Variants in ATP2C2 observed in about 807,000 individuals in gnomAD.
ATP2C2 encodes the protein ATPase secretory pathway Ca2+ transporting 2.
In ATP2C2, 171 loss-of-function variants were observed where a neutral mutation model predicts 110.8. That is an observed-to-expected ratio of 1.54 (90% CI 1.36 to 1.75). The LOEUF (loss-of-function observed/expected upper bound fraction) is 1.75. ATP2C2 is among the 40% of genes most tolerant of loss of function. The pLI, the probability that ATP2C2 is intolerant of heterozygous loss-of-function variation, is 0.00. For synonymous variants in ATP2C2, 804 were observed against 508.4 expected, an observed-to-expected ratio of 1.58 and a Z score of -7.82; for missense variants, 1,963 against 1,235.0, an observed-to-expected ratio of 1.59 and a Z score of -8.84.
At chr16:84,376,867 C>T (rs947309053) in intron 1 of ATP2C2, among the ~76,000 whole-genome samples, 3 of 152,246 alleles carry the variant, frequency 2.0e-5, no homozygotes, top group African/African-American at 7.2e-5. Flanking sequence ...TGCAATTGCA[C>T]TGGCCTCATG....
Position 84,453,636 on chromosome 16 carries a change from GA to G in ATP2C2, c.1980+267del, listed in dbSNP as rs372340402. ...ACTTGCGCTGACAGCCCCTTGGCCA[GA>G]ACACAGTCACGGGCCCAGGTTTAGC... On this transcript the variant is annotated intron_variant, in intron 20 of 26. Transcript: ENST00000262429. 6.7e-3 allele frequency among the ~76,000 whole-genome samples: 1,021 copies of G among 152,314 alleles called. 14 individuals are homozygous for G. Among genetic ancestry groups the G allele is most frequent in the African/African-American group, 0.023 (947 of 41,562 alleles).
At chr16:84,388,101 G>A (rs1462937607) in intron 1 of ATP2C2, among the ~76,000 whole-genome samples, 1 of 152,148 alleles carries the variant, frequency 6.6e-6, no homozygotes, top group Non-Finnish European at 1.5e-5. Flanking sequence ...GGAGGCCGAG[G>A]TGGGTAGATC....
chr16:84,445,088 G>T (rs1308847002), intron 15 of ATP2C2, among the ~76,000 whole-genome samples: 2 of 152,170 alleles, frequency 1.3e-5, no homozygotes, highest in Admixed American at 6.5e-5. Context: ...CCAGTTTCTG[G>T]GTGTTACTGG....
At chr16:84,400,480 C>T (rs1244340310) in intron 2 of ATP2C2, among the ~76,000 whole-genome samples, 1 of 152,114 alleles carries the variant, frequency 6.6e-6, no homozygotes, top group Non-Finnish European at 1.5e-5. Context: ...GCGCCTGCCA[C>T]CATGCCTGGC....
At chr16:84,432,591 G>T (rs989121210) in intron 11 of ATP2C2, among the ~76,000 whole-genome samples, 3 of 151,994 alleles carry the variant, frequency 2.0e-5, no homozygotes. Context: ...CGTGATCTTG[G>T]CCCACTGCCA....
rs546317477 is a variant in ATP2C2 at position 84,368,550 on chromosome 16, C to T, written c.-66C>T. On this transcript the variant is annotated 5_prime_UTR_variant, in exon 1 of 27. Coordinates refer to ENST00000262429, the MANE Select transcript of ATP2C2 (RefSeq NM_014861.4). ...CCGGGTCCGGCCCAGGAGGCTTGGGCGCGCGCAGCCATCCCGGGCCTCGCC... is the reference window on the plus strand; with the variant it reads ...CCGGGTCCGGCCCAGGAGGCTTGGGTGCGCGCAGCCATCCCGGGCCTCGCC... 28 of 1,292,362 alleles carry T rather than the reference C, an allele frequency of 2.2e-5. No individual in the cohort carries two copies. The South Asian group carries it at 2.3e-4, about 11-fold the overall frequency. The allele number at this position is 1,292,362 out of a possible 1,614,324, so 80.1% of individuals were successfully genotyped here. A position where few individuals can be genotyped will look rare whatever the true frequency, so the allele number is the denominator to read the frequency against.
chr16:84,426,933 C>G (rs1386354924), intron 11 of ATP2C2, among the ~76,000 whole-genome samples: 1 of 152,166 alleles, frequency 6.6e-6, no homozygotes, highest in Non-Finnish European at 1.5e-5. Flanking sequence ...ACGGGCAGCC[C>G]AGCATCGTGC....
Position 84,462,234 on chromosome 16 carries a change from C to T in ATP2C2, c.2722+105C>T, listed in dbSNP as rs543302175. ...CCCAGGAGGGGTCAGTGCGGGAAAG[C>T]AGAGCTCACCAGGGGCCGGCTCTGT... is the stretch of plus-strand genomic sequence containing the variant. On this transcript the variant is annotated intron_variant, in intron 26 of 26. Coordinates refer to ENST00000262429, the MANE Select transcript of ATP2C2 (RefSeq NM_014861.4). 9.7e-5 allele frequency: 140 copies of T among 1,439,206 alleles called. 1 individual carries two copies. In the East Asian group the frequency reaches 2.7e-3, roughly 27 times the overall value. 89.2% of individuals were successfully genotyped at this position (1,439,206 alleles called of 1,614,324 possible).
intron 11 of ATP2C2, among the ~76,000 whole-genome samples, chr16:84,433,892 C>T (rs752840696): frequency 1.3e-5 from 2 of 152,182 alleles, no homozygotes; most frequent in Admixed American, 6.5e-5. Context: ...CCTAACCTCC[C>T]TTGCAGCACG....
chr16:84,419,659 C>T (rs542262083), intron 7 of ATP2C2, among the ~76,000 whole-genome samples: 20 of 152,272 alleles, frequency 1.3e-4, no homozygotes, highest in Non-Finnish European at 5.9e-5. Context: ...TTGGGGCCCC[C>T]GACCCCACTC....
chr16:84,403,284 A>G (rs1181054738), intron 2 of ATP2C2, among the ~76,000 whole-genome samples: 1 of 152,184 alleles, frequency 6.6e-6, no homozygotes, highest in Non-Finnish European at 1.5e-5. Context: ...TGGTAAATAC[A>G]CAACATAAAA....
intron 21 of ATP2C2, among the ~76,000 whole-genome samples, chr16:84,455,383 T>C (rs1251906383): frequency 1.3e-5 from 2 of 152,126 alleles, no homozygotes; most frequent in Admixed American, 6.6e-5. Context: ...TGAGAAAGGA[T>C]TAAAATGAAC....
chr16:84,419,701 G>A (rs192984046), intron 7 of ATP2C2, among the ~76,000 whole-genome samples: 1 of 152,194 alleles, frequency 6.6e-6, no homozygotes, highest in East Asian at 1.9e-4. Context: ...TTCAACAAGT[G>A]TTTCCTGAGC....
Position 84,459,182 on chromosome 16 carries a change from T to A in ATP2C2, c.2210T>A (p.Leu737Gln). The A allele has an allele frequency of 6.2e-7, 1 of 1,614,212 alleles. No individual in the cohort carries two copies. Among genetic ancestry groups the A allele is most frequent in the Non-Finnish European group, 8.5e-7 (1 of 1,180,038 alleles). The change falls in exon 22 of 27, where the codon CTG (leucine) becomes CAG (glutamine). Residue 737 changes from leucine to glutamine, a missense_variant. Leu to Gln is a moderately radical substitution (Grantham distance 113, BLOSUM62 -2). Coordinates refer to ENST00000262429, the MANE Select transcript of ATP2C2 (RefSeq NM_014861.4). ...YNIKNFVRFQ[L>Q]STSISALSLI... is the part of the protein sequence containing the mutation. ...ATCAAAAACTTTGTCCGATTCCAGC[T>A]GAGCACGTAAGTAGAGGCCAGCATT... is the stretch of plus-strand genomic sequence containing the variant.
chr16:84,463,032 ACT>A (rs1262431371), intron 26 of ATP2C2: 1 of 156,482 alleles, frequency 6.4e-6, no homozygotes, highest in Non-Finnish European at 1.4e-5. Flanking sequence ...CCCCCAAAAC[ACT>A]CTGCTCACTG....
intron 6 of ATP2C2, among the ~76,000 whole-genome samples, chr16:84,414,475 T>C (rs373718333): frequency 2.0e-5 from 3 of 152,122 alleles, no homozygotes; most frequent in East Asian, 1.9e-4. Context: ...TGTGTGTGTG[T>C]GCGTGCACGC....
At chr16:84,411,282 C>T (rs1241541092) in intron 6 of ATP2C2, among the ~76,000 whole-genome samples, 1 of 149,370 alleles carries the variant, frequency 6.7e-6, no homozygotes, top group African/African-American at 2.5e-5. Flanking sequence ...TTGGTTACTG[C>T]ACGGCTCTTA....
At chr16:84,378,997 G>T (rs1910416555) in intron 1 of ATP2C2, among the ~76,000 whole-genome samples, 1 of 151,964 alleles carries the variant, frequency 6.6e-6, no homozygotes, top group Non-Finnish European at 1.5e-5. Flanking sequence ...CAGGGTGCAG[G>T]GTACACATGC....
intron 13 of ATP2C2, 72 bp from the exon 14 acceptor site, chr16:84,440,785 G>C: frequency 1.7e-6 from 2 of 1,178,474 alleles, no homozygotes; most frequent in East Asian, 4.8e-5. Flanking sequence ...CCCCAGGACA[G>C]AGATTGTGGG....
Sources: gnomAD v4.1 joint callset for allele counts (sites outside exome capture counted in the v4.1 genomes callset) on GRCh38, gnomAD v4.1.1 for gene constraint, MANE v1.5 for transcripts, NCBI Gene and HGNC (gene_info 2026-07-23, HGNC 2026-07-21) for gene names.